Variants in SLC22A23 observed in about 807,000 individuals in gnomAD.
SLC22A23 encodes the protein solute carrier family 22 member 23, also known as ion transporter protein.
In SLC22A23, 26 loss-of-function variants were observed where a neutral mutation model predicts 61.0. That is an observed-to-expected ratio of 0.43 (90% CI 0.31 to 0.59). SLC22A23 has a LOEUF of 0.59. SLC22A23 is among the 20% of genes least tolerant of loss of function. The pLI is 0.11. For synonymous variants in SLC22A23, 430 were observed against 413.9 expected (o/e 1.04, Z -0.47); for missense variants, 796 against 934.7 (o/e 0.85, Z 1.94).
chr6:3,327,866 T>C lies in SLC22A23; in HGVS notation c.914-3864A>G, dbSNP rs895023406. ...ATTTTATATGAGATTTTGAATAATT[T>C]TGTGCATGAAACAAAGTTTTGACTG... On this transcript the variant is annotated intron_variant, in intron 3 of 9. Transcript: ENST00000406686. The surrounding 1 kb of genome is among the most constrained non-coding windows in gnomAD (Gnocchi z 4.1). 1.3e-5 allele frequency among the ~76,000 whole-genome samples: 2 copies of C among 152,172 alleles called. No homozygotes were observed. Among genetic ancestry groups the C allele is most frequent in the Non-Finnish European group, 2.9e-5 (2 of 68,032 alleles).
At chr6:3,300,000 T>C (rs1761471249) in intron 4 of SLC22A23, among the ~76,000 whole-genome samples, 1 of 33,288 alleles carries the variant, frequency 3.0e-5, no homozygotes, top group African/African-American at 1.9e-4. Flanking sequence ...AGGATAGACT[T>C]TTTTTTTTTT....
intron 9 of SLC22A23, among the ~76,000 whole-genome samples, chr6:3,279,771 T>G (rs1215119668): frequency 6.6e-6 from 1 of 152,128 alleles, no homozygotes; most frequent in Non-Finnish European, 1.5e-5. Context: ...AAGTCAGAGC[T>G]GCTTGATTTA....
In SLC22A23 at chr6:3,318,812, C is replaced by G. The variant is rs919230822; in HGVS notation, c.1082+5022G>C. Among the ~76,000 whole-genome samples the G allele has an allele frequency of 7.2e-5, 11 of 152,178 alleles. No individual in the cohort carries two copies. The highest frequency in any genetic ancestry group is 1.6e-4 in the Non-Finnish European group (11 of 68,038). On this transcript the variant is annotated intron_variant, in intron 4 of 9. Coordinates refer to ENST00000406686, the MANE Select transcript of SLC22A23 (RefSeq NM_015482.2). This position sits in a 1 kb window ranked among gnomAD's most constrained non-coding sequence, Gnocchi z 4.3. ...GACTTCAGCCTCCAGCCCTCCTGAGCTTCCATGTTTCTTAAAGCTCTGGCC... is the reference window on the plus strand; with the variant it reads ...GACTTCAGCCTCCAGCCCTCCTGAGGTTCCATGTTTCTTAAAGCTCTGGCC...
At chr6:3,289,691 C>A in intron 6 of SLC22A23, 73 bp downstream of exon 6, 1 of 1,275,862 alleles carries the variant, frequency 7.8e-7, no homozygotes, top group Non-Finnish European at 1.1e-6. Context: ...GAGCAGGGCC[C>A]TGGGCTTCAC....
At position 3,297,958 on chromosome 6, in the gene SLC22A23, T is replaced by C; in HGVS notation, c.1210+133A>G. 1 of 1,103,180 alleles carries C rather than the reference T, an allele frequency of 9.1e-7. No individual in the cohort carries two copies. Among genetic ancestry groups the C allele is most frequent in the Non-Finnish European group, 1.2e-6 (1 of 814,856 alleles). The allele number at this position is 1,103,180 out of a possible 1,614,324, so 68.3% of individuals were successfully genotyped here. The stretch of plus-strand genomic sequence containing the variant: ...AATGTCAAGGTTGCCACATTGCCCT[T>C]GTGCAGGCCAAAAGGTCACAGGAGA... On this transcript the variant is annotated intron_variant, in intron 5 of 9. Coordinates refer to ENST00000406686, the MANE Select transcript of SLC22A23 (RefSeq NM_015482.2). This position sits in a 1 kb window ranked among gnomAD's most constrained non-coding sequence, Gnocchi z 4.3.
At chr6:3,361,172 C>T (rs1765419377) in intron 3 of SLC22A23, among the ~76,000 whole-genome samples, 1 of 151,286 alleles carries the variant, frequency 6.6e-6, no homozygotes, top group East Asian at 1.9e-4. Flanking sequence ...CAGTGTCACA[C>T]AGAACACACC....
rs6596964 is a variant in SLC22A23, at chr6:3,297,401, T to C, written c.1210+690A>G. On this transcript the variant is annotated intron_variant, in intron 5 of 9. Transcript: ENST00000406686. The surrounding 1 kb of genome is among the most constrained non-coding windows in gnomAD (Gnocchi z 4.3). ...CCAGTGATCTTCAAACGGAAATCTGTATACCACTTGCATCAGAATCTCTTC... is the reference window on the plus strand; with the variant it reads ...CCAGTGATCTTCAAACGGAAATCTGCATACCACTTGCATCAGAATCTCTTC... Among the ~76,000 whole-genome samples, 6,284 of 152,236 alleles carry C rather than the reference T, an allele frequency of 0.041. 453 individuals are homozygous for C. The highest frequency in any genetic ancestry group is 0.14 in the African/African-American group (5,949 of 41,500).
intron 9 of SLC22A23, among the ~76,000 whole-genome samples, chr6:3,278,350 G>C (rs1211949191): frequency 1.4e-5 from 2 of 146,876 alleles, no homozygotes; most frequent in Non-Finnish European, 2.9e-5. Flanking sequence ...ACACCACTGT[G>C]CTTCTGGGCC....
intron 3 of SLC22A23, among the ~76,000 whole-genome samples, chr6:3,364,364 G>A (rs921942999): frequency 6.6e-6 from 1 of 152,128 alleles, no homozygotes; most frequent in African/African-American, 2.4e-5. Flanking sequence ...ATTACTCAAA[G>A]TTACAGAGCT....
chr6:3,404,760 G>A (rs1768677545), intron 3 of SLC22A23, among the ~76,000 whole-genome samples: 1 of 152,166 alleles, frequency 6.6e-6, no homozygotes, highest in Admixed American at 6.5e-5. Flanking sequence ...GGTGGGATAA[G>A]GGAAGACAGT....
In SLC22A23 at chr6:3,296,063, C is replaced by A. The variant is rs550373886; in HGVS notation, c.1210+2028G>T. ...TTTGAGAAAACAAGCTATTCCCAGA[C>A]AATATTTTAACGTGAAAGAAGCAGA... On this transcript the variant is annotated intron_variant, in intron 5 of 9. Coordinates refer to ENST00000406686, the MANE Select transcript of SLC22A23 (RefSeq NM_015482.2). Among the ~76,000 whole-genome samples, 292 of 150,106 alleles carry A rather than the reference C, an allele frequency of 1.9e-3. 1 individual carries two copies. Among genetic ancestry groups the A allele is most frequent in the Non-Finnish European group, 3.3e-3 (222 of 67,908 alleles).
chr6:3,329,720 C>G lies in SLC22A23; in HGVS notation c.914-5718G>C, dbSNP rs4640930. Among the ~76,000 whole-genome samples, 29,065 of 152,126 alleles carry G rather than the reference C, an allele frequency of 0.19. 3,027 individuals are homozygous for G. The highest frequency in any genetic ancestry group is 0.27 in the South Asian group (1,316 of 4,812). On this transcript the variant is annotated intron_variant, in intron 3 of 9. Coordinates refer to ENST00000406686, the MANE Select transcript of SLC22A23 (RefSeq NM_015482.2). This position sits in a 1 kb window ranked among gnomAD's most constrained non-coding sequence, Gnocchi z 4.8. ...GAGAAAACGACACTCACGAAGCACT[C>G]GAGCGCACCTGGCTCATACTGAAGC...
chr6:3,370,572 A>G (rs931254508), intron 3 of SLC22A23, among the ~76,000 whole-genome samples: 1 of 152,272 alleles, frequency 6.6e-6, no homozygotes, highest in African/African-American at 2.4e-5. Context: ...TTCAGCATGC[A>G]GTGGTGGGAG....
rs149451543 is a variant in SLC22A23 at position 3,308,922 on chromosome 6, G to A, written c.1083-10704C>T. Among the ~76,000 whole-genome samples the A allele has an allele frequency of 0.044, 6,626 of 151,624 alleles. 192 individuals carry two copies. The highest frequency in any genetic ancestry group is 0.069 in the Middle Eastern group (20 of 288). Reference sequence around the variant, plus strand: ...TGTGCCACTGCACTCCAGCCTGGGCGACAGAGCGAGACTCTGTCTCAAAAA... The same window carrying A: ...TGTGCCACTGCACTCCAGCCTGGGCAACAGAGCGAGACTCTGTCTCAAAAA... On this transcript the variant is annotated intron_variant, in intron 4 of 9. Coordinates refer to ENST00000406686, the MANE Select transcript of SLC22A23 (RefSeq NM_015482.2). The surrounding 1 kb of genome is among the most constrained non-coding windows in gnomAD (Gnocchi z 5.1).
At chr6:3,420,964 G>A (rs1770088917) in intron 1 of SLC22A23, among the ~76,000 whole-genome samples, 1 of 152,092 alleles carries the variant, frequency 6.6e-6, no homozygotes, top group African/African-American at 2.4e-5. Context: ...AGCTGGGTGT[G>A]GTGGTGCATG....
At chr6:3,428,237 G>T (rs1364525772) in intron 1 of SLC22A23, among the ~76,000 whole-genome samples, 1 of 152,240 alleles carries the variant, frequency 6.6e-6, no homozygotes, top group Non-Finnish European at 1.5e-5. Flanking sequence ...GCCCTCACCA[G>T]AGTCTCTTAT....
At position 3,271,778 on chromosome 6, in the gene SLC22A23, T is replaced by C. The variant is rs1321194776; in HGVS notation, c.*1277A>G. 6.6e-6 allele frequency: 1 copy of C among 152,210 alleles called. No individual in the cohort carries two copies. The highest frequency in any genetic ancestry group is 1.5e-5 in the Non-Finnish European group (1 of 68,008). 9.4% of individuals were successfully genotyped at this position (152,210 alleles called of 1,614,324 possible). A position where few individuals can be genotyped will look rare whatever the true frequency, so the allele number is the denominator to read the frequency against. On this transcript the variant is annotated 3_prime_UTR_variant, in exon 10 of 10. Coordinates refer to ENST00000406686, the MANE Select transcript of SLC22A23 (RefSeq NM_015482.2). ...AAGAGGAAACCTCCACTTTCTGGGG[T>C]GAAACGAGGAACACGAAGAGACCCA...
Position 3,456,079 on chromosome 6 carries a change from C to T in SLC22A23, c.481G>A (p.Ala161Thr). The T allele has an allele frequency of 6.5e-7, 1 of 1,549,946 alleles. No homozygotes were observed. The highest frequency in any genetic ancestry group is 8.7e-7 in the Non-Finnish European group (1 of 1,146,658). The change falls in exon 1 of 10, where the codon GCC (alanine) becomes ACC (threonine). Residue 161 changes from alanine to threonine, a missense_variant. Ala to Thr is a moderately conservative substitution (Grantham distance 58). Transcript: ENST00000406686. This position sits in a 1 kb window ranked among gnomAD's most constrained non-coding sequence, Gnocchi z 7.1. ...NWTSLPTTPF[A>T]TAPWEAAGNR... Reference sequence around the variant, plus strand: ...CCCGCAGCCTCCCAGGGGGCAGTGGCGAAGGGGGTGGTGGGGAGGCTGGTC... The same window carrying T: ...CCCGCAGCCTCCCAGGGGGCAGTGGTGAAGGGGGTGGTGGGGAGGCTGGTC...
At chr6:3,383,822 T>C (rs1005298341) in intron 3 of SLC22A23, among the ~76,000 whole-genome samples, 1 of 152,256 alleles carries the variant, frequency 6.6e-6, no homozygotes, top group East Asian at 1.9e-4. Flanking sequence ...CCTGAGGTCC[T>C]ACTATGCGCC....
Sources: allele counts gnomAD v4.1 joint callset (sites outside exome capture counted in the v4.1 genomes callset), GRCh38; gene constraint gnomAD v4.1.1; non-coding constraint Gnocchi (gnomAD v3.1); transcripts MANE v1.5; gene names NCBI Gene and HGNC (gene_info 2026-07-23, HGNC 2026-07-21).